CADPS2: variants seen among roughly 807,000 people sequenced by gnomAD.
The protein encoded by CADPS2 is calcium-dependent secretion activator 2.
A neutral mutation model predicts 172.5 loss-of-function variants in CADPS2; 93 were observed. The ratio of observed to expected loss-of-function variants is 0.54; its 90% CI spans 0.46 to 0.64. The LOEUF is 0.64. CADPS2 is among the 30% of genes least tolerant of loss of function. CADPS2 has a pLI of 0.00. For missense variants in CADPS2, 1,420 were observed against 1,565.9 expected, an observed-to-expected ratio of 0.91 and a Z score of 1.57; for synonymous variants, 546 against 555.2, an observed-to-expected ratio of 0.98 and a Z score of 0.23.
chr7:122,542,514 T>C (rs1299069819), intron 8 of CADPS2, among the ~76,000 whole-genome samples: 1 of 152,114 alleles, frequency 6.6e-6, no homozygotes. Context: ...AGGGAAAGGC[T>C]AAACAAATGG....
At chr7:122,718,182 C>G (rs780895111) in intron 2 of CADPS2, among the ~76,000 whole-genome samples, 1 of 151,764 alleles carries the variant, frequency 6.6e-6, no homozygotes, top group Admixed American at 6.6e-5. Context: ...AAGCTAGAAG[C>G]TTTATATATG....
chr7:122,553,798 T>C (rs1179551693), intron 8 of CADPS2, among the ~76,000 whole-genome samples: 1 of 152,170 alleles, frequency 6.6e-6, no homozygotes. Flanking sequence ...ACTGCTTTTC[T>C]CCATAGTAAG....
At chr7:122,638,866 C>T (rs1482094102) in intron 3 of CADPS2, among the ~76,000 whole-genome samples, 2 of 152,198 alleles carry the variant, frequency 1.3e-5, no homozygotes, top group Admixed American at 6.5e-5. Context: ...TGAATCCTGA[C>T]GTGGTTTCTT....
At chr7:122,709,806 G>A (rs1315507457) in intron 2 of CADPS2, among the ~76,000 whole-genome samples, 3 of 151,602 alleles carry the variant, frequency 2.0e-5, no homozygotes, top group African/African-American at 7.3e-5. Flanking sequence ...CTATCGCAAG[G>A]ACAAAAAACC....
At position 122,705,778 on chromosome 7, in the gene CADPS2, A is replaced by G. The variant is rs2087080960; in HGVS notation, c.453+31177T>C. 9.8e-5 allele frequency among the ~76,000 whole-genome samples: 2 copies of G among 20,512 alleles called. 1 individual carries two copies. Among genetic ancestry groups the G allele is most frequent in the Non-Finnish European group, 1.9e-4 (2 of 10,618 alleles). 13.5% of individuals were successfully genotyped at this position (20,512 alleles called of 152,430 possible). A position where few individuals can be genotyped will look rare whatever the true frequency, so the allele number is the denominator to read the frequency against. On this transcript the variant is annotated intron_variant, in intron 2 of 29. Transcript: ENST00000449022. ...TAATATATAATATATGATATATTAT[A>G]TAATATATATCATATATAATATAAT...
chr7:122,326,026 T>C (rs528211712), intron 28 of CADPS2, among the ~76,000 whole-genome samples: 19 of 150,766 alleles, frequency 1.3e-4, no homozygotes, highest in East Asian at 5.9e-4. Context: ...TGTGTTATGC[T>C]ATAAGTCATG....
intron 1 of CADPS2, among the ~76,000 whole-genome samples, chr7:122,822,381 C>G (rs980033545): frequency 1.3e-5 from 2 of 152,056 alleles, no homozygotes; most frequent in Admixed American, 1.3e-4. Context: ...GACCTCCCTT[C>G]AGCTTAATCT....
intron 15 of CADPS2, among the ~76,000 whole-genome samples, chr7:122,442,767 T>C (rs1312092939): frequency 2.0e-5 from 3 of 151,988 alleles, no homozygotes; most frequent in Non-Finnish European, 4.4e-5. Context: ...AAATGTTATA[T>C]AAATCTAGTC....
intron 2 of CADPS2, among the ~76,000 whole-genome samples, chr7:122,696,766 A>T (rs982736301): frequency 1.3e-5 from 2 of 152,132 alleles, no homozygotes; most frequent in African/African-American, 4.8e-5. Context: ...AAACTTCAAA[A>T]TTTTCTGTTA....
chr7:122,706,804 A>T, intron 2 of CADPS2, among the ~76,000 whole-genome samples: 1 of 149,840 alleles, frequency 6.7e-6, no homozygotes, highest in East Asian at 2.0e-4. Flanking sequence ...ATATATACAC[A>T]CACACACATA....
chr7:122,645,238 T>C (rs2078183033), intron 3 of CADPS2, among the ~76,000 whole-genome samples: 1 of 2,624 alleles, frequency 3.8e-4, no homozygotes. Context: ...TAAGTATATA[T>C]ATACACACAT....
chr7:122,747,515 T>A (rs1239225630), intron 1 of CADPS2, among the ~76,000 whole-genome samples: 1 of 152,162 alleles, frequency 6.6e-6, no homozygotes, highest in African/African-American at 2.4e-5. Context: ...CTAGTCATAA[T>A]AGCTAACATT....
At chr7:122,652,488 AAAAG>A (rs2079266977) in intron 3 of CADPS2, among the ~76,000 whole-genome samples, 2 of 152,294 alleles carry the variant, frequency 1.3e-5, no homozygotes, top group East Asian at 3.9e-4. Context: ...TTGTTTCTCT[AAAAG>A]AATATATATA....
At chr7:122,393,730 G>A (rs1442390872) in intron 20 of CADPS2, 148 bp from the exon 21 acceptor site, 2 of 761,328 alleles carry the variant, frequency 2.6e-6, no homozygotes, top group Non-Finnish European at 4.3e-6. Context: ...CCCCCATATT[G>A]AATATCATAT....
intron 2 of CADPS2, among the ~76,000 whole-genome samples, chr7:122,692,650 G>A (rs1462147098): frequency 6.6e-6 from 1 of 152,204 alleles, no homozygotes; most frequent in Non-Finnish European, 1.5e-5. Flanking sequence ...CACCTCATCT[G>A]GCCAACTATG....
At chr7:122,639,407 C>T (rs1307231176) in intron 3 of CADPS2, among the ~76,000 whole-genome samples, 1 of 152,156 alleles carries the variant, frequency 6.6e-6, no homozygotes, top group Non-Finnish European at 1.5e-5. Context: ...ATATGCTCTT[C>T]CCAGTTTTCC....
chr7:122,822,476 C>T (rs909377228), intron 1 of CADPS2, among the ~76,000 whole-genome samples: 2 of 151,728 alleles, frequency 1.3e-5, no homozygotes, highest in African/African-American at 4.8e-5. Flanking sequence ...CATACCACCC[C>T]CCAAAAATTT....
At position 122,621,601 on chromosome 7, in the gene CADPS2, A is replaced by G. The variant is rs746667977; in HGVS notation, c.984T>C (p.Gly328=). Residue 328 remains glycine (G), a synonymous_variant, in exon 5 of 30, where the codon GGT becomes GGC. Coordinates refer to ENST00000449022, the MANE Select transcript of CADPS2 (RefSeq NM_017954.11). ...ANLESLPVSK[G]GPEFKLQKLK... is the part of the protein sequence containing the mutation. ...ATTTTTGTAATTTAAATTCCGGACCACCTTTCGAAACTGGAAGACTTTCCA... is the reference window on the plus strand; with the variant it reads ...ATTTTTGTAATTTAAATTCCGGACCGCCTTTCGAAACTGGAAGACTTTCCA... 5 of 1,613,636 alleles carry G rather than the reference A, an allele frequency of 3.1e-6. No homozygotes were observed. The highest frequency in any genetic ancestry group is 4.2e-6 in the Non-Finnish European group (5 of 1,179,742).
At chr7:122,325,440 T>C (rs2033636285) in intron 29 of CADPS2, 37 bp downstream of exon 29, 1 of 1,317,106 alleles carries the variant, frequency 7.6e-7, no homozygotes, top group Admixed American at 1.9e-5. Context: ...TCCTTATAGC[T>C]TAGTGGGCAA....
Sources: gnomAD v4.1 joint callset for allele counts (sites outside exome capture counted in the v4.1 genomes callset) on GRCh38, gnomAD v4.1.1 for gene constraint, MANE v1.5 for transcripts, NCBI Gene and HGNC (gene_info 2026-07-23, HGNC 2026-07-21) for gene names.